MAPK9: variants seen among roughly 807,000 people sequenced by gnomAD.
MAPK9 encodes the protein Jun kinase.
MAPK9 carries 30 observed loss-of-function variants against 57.1 expected under a neutral mutation model. The ratio of observed to expected loss-of-function variants is 0.53; its 90% CI spans 0.39 to 0.71. MAPK9 has a LOEUF of 0.71. Among genes scored for constraint, MAPK9 ranks in the 30% least tolerant of loss-of-function variants. The probability of loss-of-function intolerance (pLI) is 0.00; values close to 1 mark genes in which losing one functional copy is unlikely to be tolerated. For missense variants in MAPK9, 362 were observed against 521.0 expected, an observed-to-expected ratio of 0.69 and a Z score of 2.97; for synonymous variants, 155 against 177.0, an observed-to-expected ratio of 0.88 and a Z score of 0.99.
chr5:180,236,363 A>T lies in MAPK9; in HGVS notation c.*21T>A, dbSNP rs1466445594. 6.3e-7 allele frequency: 1 copy of T among 1,587,580 alleles called. No homozygotes were observed. The highest frequency in any genetic ancestry group is 8.6e-7 in the Non-Finnish European group (1 of 1,160,534). On this transcript the variant is annotated 3_prime_UTR_variant, in exon 12 of 12. Transcript: ENST00000452135. ...AGGTGAGAGTTCCTTCAATGCTGAC[A>T]GGTTTGCTATTTCTAACCTATCATC... is the stretch of plus-strand genomic sequence containing the variant.
At chr5:180,277,959 C>T (rs1245442534) in intron 2 of MAPK9, among the ~76,000 whole-genome samples, 1 of 152,082 alleles carries the variant, frequency 6.6e-6, no homozygotes, top group Admixed American at 6.5e-5. Context: ...TAGAAGGATA[C>T]CATAAAACTG....
intron 5 of MAPK9, among the ~76,000 whole-genome samples, chr5:180,253,260 C>A (rs1028729189): frequency 1.3e-4 from 20 of 152,252 alleles, no homozygotes; most frequent in Non-Finnish European, 2.1e-4. Context: ...GCTGCCTCCT[C>A]TGGCTGCTCC....
At chr5:180,251,574 G>A (rs899198140) in intron 5 of MAPK9, among the ~76,000 whole-genome samples, 7 of 152,080 alleles carry the variant, frequency 4.6e-5, no homozygotes, top group Admixed American at 3.3e-4. Context: ...TGCTCTCCCC[G>A]CACCCTGGGA....
rs1378245250 is a variant in MAPK9 at position 180,238,257 on chromosome 5, G to A, written c.1132+75C>T. The A allele has an allele frequency of 2.5e-5, 30 of 1,198,400 alleles. 1 individual carries two copies. Among genetic ancestry groups the A allele is most frequent in the Admixed American group, 3.7e-5 (2 of 54,236 alleles). 74.2% of individuals were successfully genotyped at this position (1,198,400 alleles called of 1,614,324 possible). A position where few individuals can be genotyped will look rare whatever the true frequency, so the allele number is the denominator to read the frequency against. On this transcript the variant is annotated intron_variant, in intron 11 of 11. Transcript: ENST00000452135. ...TGCTCTCCAGCCTGGGCGACAGAAC[G>A]AAACTCTGTCTCAAAAAAAAAAAGT...
chr5:180,245,172 C>G (rs1196431734), intron 7 of MAPK9, among the ~76,000 whole-genome samples: 1 of 152,226 alleles, frequency 6.6e-6, no homozygotes, highest in Admixed American at 6.5e-5. Flanking sequence ...TTTGATCTCT[C>G]TATCCCAGAC....
At chr5:180,260,252 A>G (rs1222887542) in intron 5 of MAPK9, among the ~76,000 whole-genome samples, 1 of 152,242 alleles carries the variant, frequency 6.6e-6, no homozygotes, top group Non-Finnish European at 1.5e-5. Context: ...TCTCCGGCAC[A>G]TTGAAAGACA....
chr5:180,291,834 C>T lies in MAPK9; in HGVS notation c.-48+14G>A, dbSNP rs1763281422. On this transcript the variant is annotated intron_variant, in intron 1 of 11. Transcript: ENST00000452135. Reference sequence around the variant, plus strand: ...AGCAGCCGCCGCCAGGCCTAGCCCGCCCGCCGGGCTCACCTCGCCTCCCCG... The same window carrying T: ...AGCAGCCGCCGCCAGGCCTAGCCCGTCCGCCGGGCTCACCTCGCCTCCCCG... 6.8e-6 allele frequency: 1 copy of T among 148,026 alleles called. No individual in the cohort carries two copies. The highest frequency in any genetic ancestry group is 1.8e-4 in the South Asian group (1 of 5,564). 9.2% of individuals were successfully genotyped at this position (148,026 alleles called of 1,614,324 possible).
In MAPK9 at chr5:180,236,508, T is replaced by C. The variant is rs1292981185; in HGVS notation, c.1151A>G (p.Asn384Ser). 1.9e-6 allele frequency: 3 copies of C among 1,613,992 alleles called. No individual in the cohort carries two copies. Among genetic ancestry groups the C allele is most frequent in the Non-Finnish European group, 2.5e-6 (3 of 1,179,906 alleles). Reference protein sequence around the residue: ...DQPSDAAVSSNATPSQSSSIN... With the variant: ...DQPSDAAVSSSATPSQSSSIN... Reference sequence around the variant, plus strand: ...CGATGAAGACTGAGAAGGAGTGGCGTTGCTACTTACTGCTGCATCTGTGCT... The same window carrying C: ...CGATGAAGACTGAGAAGGAGTGGCGCTGCTACTTACTGCTGCATCTGTGCT... Residue 384 changes from asparagine to serine, a missense_variant, in exon 12 of 12, where the codon AAC (asparagine) becomes AGC (serine). By Grantham distance (46) the Asn-to-Ser change is conservative. Coordinates refer to ENST00000452135, the MANE Select transcript of MAPK9 (RefSeq NM_002752.5).
Position 180,247,465 on chromosome 5 carries a change from C to T in MAPK9, c.662G>A (p.Gly221Asp), listed in dbSNP as rs1758234527. The change falls in exon 7 of 12, where the codon GGT becomes GAT. Residue 221 changes from glycine (G) to aspartate (D), a missense_variant. Around this residue, in one of 3 missense-constraint regions of MAPK9, gnomAD observed 199 missense variants for 251.3 expected, o/e 0.79. Transcript: ENST00000452135. The surrounding 1 kb of genome is among the most constrained non-coding windows in gnomAD (Gnocchi z 4.5). ...VGCIMGELVK[G>D]CVIFQGTDHI... is the part of the protein sequence containing the mutation. ...GTCAGTGCCTTGGAATATCACACAA[C>T]CTTTCACCAGCTCTCCCATGATGCA... The T allele has an allele frequency of 6.2e-7, 1 of 1,614,186 alleles. No homozygotes were observed. Among genetic ancestry groups the T allele is most frequent in the Non-Finnish European group, 8.5e-7 (1 of 1,180,042 alleles).
chr5:180,272,993 C>T (rs115889883), intron 2 of MAPK9, among the ~76,000 whole-genome samples: 46 of 152,182 alleles, frequency 3.0e-4, no homozygotes, highest in African/African-American at 8.4e-4. Context: ...TTCCAGTACA[C>T]GAGGGGTCAC....
At chr5:180,285,929 A>C (rs1762705381) in intron 1 of MAPK9, among the ~76,000 whole-genome samples, 1 of 150,656 alleles carries the variant, frequency 6.6e-6, no homozygotes, top group African/African-American at 2.4e-5. Flanking sequence ...AAATACAAAA[A>C]ATTAGCCGGG....
chr5:180,269,044 T>G (rs1441859294), intron 3 of MAPK9, among the ~76,000 whole-genome samples: 1 of 136,804 alleles, frequency 7.3e-6, no homozygotes, highest in Non-Finnish European at 1.6e-5. Context: ...GAGGCTGAGG[T>G]AAGAGAATGG....
In MAPK9 at chr5:180,247,311, C is replaced by A. The variant is rs1034299883; in HGVS notation, c.688+128G>T. 2.1e-6 allele frequency: 2 copies of A among 955,130 alleles called. No homozygotes were observed. Among genetic ancestry groups the A allele is most frequent in the South Asian group, 3.0e-5 (2 of 66,778 alleles). The allele number at this position is 955,130 out of a possible 1,614,324, so 59.2% of individuals were successfully genotyped here. A position where few individuals can be genotyped will look rare whatever the true frequency, so the allele number is the denominator to read the frequency against. On this transcript the variant is annotated intron_variant, in intron 7 of 11. Transcript: ENST00000452135. This position sits in a 1 kb window ranked among gnomAD's most constrained non-coding sequence, Gnocchi z 4.5. ...ACACTAATTAACAAATACAGTAAAG[C>A]CCCCCTTAGAACACAGTCTGGAGTG...
intron 5 of MAPK9, among the ~76,000 whole-genome samples, chr5:180,259,864 T>G (rs936200869): frequency 2.6e-5 from 4 of 152,238 alleles, no homozygotes; most frequent in Non-Finnish European, 5.9e-5. Flanking sequence ...CAGTCCTGTA[T>G]GTAAACATGA....
intron 1 of MAPK9, among the ~76,000 whole-genome samples, chr5:180,286,334 T>C (rs1245188542): frequency 6.7e-5 from 10 of 149,968 alleles, no homozygotes; most frequent in Admixed American, 1.3e-4. Context: ...TTAGTAGAGA[T>C]GGGGTTTCAC....
intron 2 of MAPK9, among the ~76,000 whole-genome samples, chr5:180,278,467 C>G (rs1762021764): frequency 6.6e-6 from 1 of 152,198 alleles, no homozygotes; most frequent in Admixed American, 6.5e-5. Flanking sequence ...TTTGGGAGGC[C>G]AAGGTGGGTG....
chr5:180,291,458 C>G (rs1310331227), intron 1 of MAPK9, among the ~76,000 whole-genome samples: 1 of 152,216 alleles, frequency 6.6e-6, no homozygotes, highest in Non-Finnish European at 1.5e-5. Context: ...CCAGAAGAGA[C>G]ATTTCCCCAC....
rs531472225 is a variant in MAPK9, at chr5:180,236,478, T to C, written c.1181A>G (p.Asn394Ser). 6.3e-5 allele frequency: 102 copies of C among 1,614,126 alleles called. 2 individuals carry two copies. The highest frequency in any genetic ancestry group is 5.3e-4 in the South Asian group (48 of 91,072). ...NATPSQSSSI[N>S]DISSMSTEQT... is the part of the protein sequence containing the mutation. ...CTCAGTGGACATGGATGAAATGTCA[T>C]TGATCGATGAAGACTGAGAAGGAGT... The change falls in exon 12 of 12, where the codon AAT becomes AGT. Residue 394 changes from asparagine (N) to serine (S), a missense_variant. Coordinates refer to ENST00000452135, the MANE Select transcript of MAPK9 (RefSeq NM_002752.5).
Position 180,267,975 on chromosome 5 carries a change from A to G in MAPK9, c.252+1305T>C, listed in dbSNP as rs138698242. Among the ~76,000 whole-genome samples the G allele has an allele frequency of 5.1e-3, 770 of 151,818 alleles. 12 individuals are homozygous for G. The highest frequency in any genetic ancestry group is 0.047 in the East Asian group (241 of 5,152). On this transcript the variant is annotated intron_variant, in intron 3 of 11. Transcript: ENST00000452135. Reference sequence around the variant, plus strand: ...CCTCCCGGGTTCATGCCATTCTCCCACCTCACCCTCCTTAATTTTTTGTAC... The same window carrying G: ...CCTCCCGGGTTCATGCCATTCTCCCGCCTCACCCTCCTTAATTTTTTGTAC...
Sources: allele counts gnomAD v4.1 joint callset (sites outside exome capture counted in the v4.1 genomes callset), GRCh38; gene constraint gnomAD v4.1.1; regional missense constraint gnomAD v4.1.1; non-coding constraint Gnocchi (gnomAD v3.1); transcripts MANE v1.5; gene names NCBI Gene and HGNC (gene_info 2026-07-23, HGNC 2026-07-21).